INPP4A: variants seen among roughly 807,000 people sequenced by gnomAD.
INPP4A encodes the protein inositol polyphosphate-4-phosphatase type I A, also known as inositol polyphosphate-4-phosphatase, type I, 107kD.
Under a neutral mutation model 119.8 loss-of-function variants are expected in INPP4A, and 33 were observed. That is an observed-to-expected ratio of 0.28 (90% CI 0.21 to 0.37). The LOEUF (loss-of-function observed/expected upper bound fraction) is 0.37. INPP4A is among the 10% of genes least tolerant of loss of function. INPP4A has a pLI of 1.00. For synonymous variants in INPP4A, 496 were observed against 500.7 expected, an observed-to-expected ratio of 0.99 and a Z score of 0.12; for missense variants, 956 against 1,289.9, an observed-to-expected ratio of 0.74 and a Z score of 3.97.
intron 22 of INPP4A, among the ~76,000 whole-genome samples, chr2:98,571,649 A>G (rs886564641): frequency 6.6e-6 from 1 of 152,246 alleles, no homozygotes; most frequent in African/African-American, 2.4e-5. Flanking sequence ...GATGTGAGCC[A>G]GGTACCCCTC....
intron 1 of INPP4A, among the ~76,000 whole-genome samples, chr2:98,468,020 T>G (rs1675154080): frequency 6.6e-6 from 1 of 152,224 alleles, no homozygotes; most frequent in Admixed American, 6.5e-5. Flanking sequence ...AAGTTCAGCC[T>G]CATCTTTGTC....
At chr2:98,536,482 C>T (rs1690289430) in intron 7 of INPP4A, among the ~76,000 whole-genome samples, 1 of 152,122 alleles carries the variant, frequency 6.6e-6, no homozygotes, top group African/African-American at 2.4e-5. Flanking sequence ...TGTGTTTCTC[C>T]ATTATTTAGC....
At chr2:98,534,339 G>A (rs3769714) in intron 5 of INPP4A, among the ~76,000 whole-genome samples, 5 of 152,062 alleles carry the variant, frequency 3.3e-5, no homozygotes, top group South Asian at 2.1e-4. Flanking sequence ...ATGGCTACCC[G>A]TGTGCACAGC....
intron 1 of INPP4A, among the ~76,000 whole-genome samples, chr2:98,500,381 C>G (rs1009094689): frequency 2.0e-5 from 3 of 152,132 alleles, no homozygotes; most frequent in Non-Finnish European, 4.4e-5. Flanking sequence ...ATGGAGATGG[C>G]GTGCTGTCCT....
chr2:98,530,377 C>T (rs778926669), intron 4 of INPP4A, among the ~76,000 whole-genome samples: 5 of 151,908 alleles, frequency 3.3e-5, no homozygotes, highest in Admixed American at 1.3e-4. Context: ...ACACTTAGTG[C>T]TTTAGACAGT....
chr2:98,480,640 TGAA>T (rs1289413604), intron 1 of INPP4A, among the ~76,000 whole-genome samples: 2 of 152,208 alleles, frequency 1.3e-5, no homozygotes, highest in Non-Finnish European at 2.9e-5. Flanking sequence ...CTCTGTGCAC[TGAA>T]GGAGTAAATG....
intron 1 of INPP4A, among the ~76,000 whole-genome samples, chr2:98,475,053 T>C (rs1676919180): frequency 6.6e-6 from 1 of 152,148 alleles, no homozygotes; most frequent in Non-Finnish European, 1.5e-5. Context: ...TATTTATTTC[T>C]GTCTGGAAGT....
intron 4 of INPP4A, among the ~76,000 whole-genome samples, chr2:98,531,361 G>C (rs1455129100): frequency 6.6e-6 from 1 of 151,918 alleles, no homozygotes; most frequent in Admixed American, 6.6e-5. Flanking sequence ...AATGAAGCCA[G>C]AGCAATAAAA....
chr2:98,450,044 C>G (rs1402214737), intron 1 of INPP4A, among the ~76,000 whole-genome samples: 1 of 151,892 alleles, frequency 6.6e-6, no homozygotes, highest in Non-Finnish European at 1.5e-5. Context: ...GTTACGGTAA[C>G]TTTGAATTTT....
rs1697229263 is a variant in INPP4A, at chr2:98,570,357, C to CGA, written c.2518+1697_2518+1698dup. Reference sequence around the variant, plus strand: ...GAGGAAGAAGGGACTCAACAGAAGGCGAGAGAGAGCATCACAGGCTAGCAG... The same window carrying CGA: ...GAGGAAGAAGGGACTCAACAGAAGGCGAGAGAGAGAGCATCACAGGCTAGCAG... On this transcript the variant is annotated intron_variant, in intron 22 of 24. Transcript: ENST00000409851. This position sits in a 1 kb window ranked among gnomAD's most constrained non-coding sequence, Gnocchi z 4.3. 6.6e-6 allele frequency among the ~76,000 whole-genome samples: 1 copy of CGA among 152,094 alleles called. No homozygotes were observed. Among genetic ancestry groups the CGA allele is most frequent in the Non-Finnish European group, 1.5e-5 (1 of 68,024 alleles).
chr2:98,557,904 G>A (rs1694778195), intron 16 of INPP4A, among the ~76,000 whole-genome samples: 1 of 151,862 alleles, frequency 6.6e-6, no homozygotes, highest in Non-Finnish European at 1.5e-5. Flanking sequence ...AGGATTTGGT[G>A]GCTTCCACCG....
chr2:98,544,328 T>TGAAGAAAC (rs1692091849), intron 11 of INPP4A, among the ~76,000 whole-genome samples: 1 of 152,230 alleles, frequency 6.6e-6, no homozygotes, highest in Admixed American at 6.5e-5. Flanking sequence ...TCCCGGGCTA[T>TGAAGAAAC]TACTGCTTCA....
chr2:98,523,195 A>T (rs1687543850), intron 4 of INPP4A, among the ~76,000 whole-genome samples: 1 of 152,204 alleles, frequency 6.6e-6, no homozygotes, highest in African/African-American at 2.4e-5. Context: ...ATATGGAGAG[A>T]GAATGACAGT....
intron 1 of INPP4A, among the ~76,000 whole-genome samples, chr2:98,463,778 G>A (rs1349450420): frequency 1.3e-5 from 2 of 152,190 alleles, no homozygotes; most frequent in African/African-American, 2.4e-5. Context: ...AGCCATGAGC[G>A]TCCATGGTCA....
intron 17 of INPP4A, among the ~76,000 whole-genome samples, chr2:98,561,942 A>G (rs1204048420): frequency 6.6e-6 from 1 of 152,198 alleles, no homozygotes; most frequent in African/African-American, 2.4e-5. Flanking sequence ...AAACAAAAAC[A>G]TGGTCTCTGA....
intron 1 of INPP4A, among the ~76,000 whole-genome samples, chr2:98,445,913 G>T (rs528376682): frequency 3.9e-5 from 6 of 152,346 alleles, no homozygotes; most frequent in East Asian, 3.9e-4. Context: ...TGTGTCTTGT[G>T]TTGGGAACCT....
intron 4 of INPP4A, among the ~76,000 whole-genome samples, chr2:98,526,606 A>G (rs1420949692): frequency 3.3e-5 from 5 of 152,220 alleles, no homozygotes; most frequent in Non-Finnish European, 1.5e-5. Flanking sequence ...CTGAAAATTA[A>G]CAGAGGCTTA....
At chr2:98,550,989 T>C (rs1285693516) in intron 13 of INPP4A, among the ~76,000 whole-genome samples, 4 of 151,996 alleles carry the variant, frequency 2.6e-5, no homozygotes, top group Non-Finnish European at 5.9e-5. Context: ...AGGGTCTTGC[T>C]CTGTCACCCA....
chr2:98,532,392 C>G (rs973254131), intron 4 of INPP4A, among the ~76,000 whole-genome samples: 3 of 149,292 alleles, frequency 2.0e-5, no homozygotes, highest in Non-Finnish European at 4.5e-5. Flanking sequence ...ATACTTTTTT[C>G]TATTTTATTT....
Sources: allele counts gnomAD v4.1 joint callset (sites outside exome capture counted in the v4.1 genomes callset), GRCh38; gene constraint gnomAD v4.1.1; non-coding constraint Gnocchi (gnomAD v3.1); transcripts MANE v1.5; gene names NCBI Gene and HGNC (gene_info 2026-07-23, HGNC 2026-07-21).